PHF21B: variants seen among roughly 807,000 people sequenced by gnomAD.
PHF21B encodes PHD finger protein 4.
In PHF21B, 22 loss-of-function variants were observed where a neutral mutation model predicts 62.2. The ratio of observed to expected loss-of-function variants is 0.35; its 90% CI spans 0.25 to 0.51. The LOEUF is 0.51. Ranked by LOEUF, PHF21B falls within the 20% of genes least tolerant of loss-of-function variation. The pLI, the probability that PHF21B is intolerant of heterozygous loss-of-function variation, is 0.97. For missense variants in PHF21B, 701 were observed against 707.9 expected (o/e 0.99, Z 0.11); for synonymous variants, 341 against 314.7 (o/e 1.08, Z -0.88).
chr22:44,962,149 G>A (rs751012914), intron 2 of PHF21B, among the ~76,000 whole-genome samples: 2 of 152,102 alleles, frequency 1.3e-5, no homozygotes, highest in African/African-American at 2.4e-5. Flanking sequence ...TTGCTGGGTC[G>A]AATGATAGCT....
At chr22:44,942,026 C>T (rs527850547) in intron 2 of PHF21B, among the ~76,000 whole-genome samples, 36 of 152,298 alleles carry the variant, frequency 2.4e-4, no homozygotes, top group African/African-American at 8.4e-4. Flanking sequence ...CGACATGGCC[C>T]GAGGCCCAGT....
At chr22:44,938,244 GTTTTT>G (rs1321797666) in intron 2 of PHF21B, among the ~76,000 whole-genome samples, 1 of 150,338 alleles carries the variant, frequency 6.7e-6, no homozygotes, top group African/African-American at 2.5e-5. Flanking sequence ...CTGGTTTTTT[GTTTTT>G]TTGAGACAGA....
In PHF21B at chr22:44,882,924, G is replaced by A; in HGVS notation, c.*162C>T. On this transcript the variant is annotated 3_prime_UTR_variant, in exon 13 of 13. Coordinates refer to ENST00000313237, the MANE Select transcript of PHF21B (RefSeq NM_138415.5). Reference sequence around the variant, plus strand: ...CAGGGCCGCACCCCCACCTGGTCCTGGCTCTAGGCCTCTCGCCCAGCTCTT... The same window carrying A: ...CAGGGCCGCACCCCCACCTGGTCCTAGCTCTAGGCCTCTCGCCCAGCTCTT... 1 of 871,002 alleles carries A rather than the reference G, an allele frequency of 1.1e-6. No individual in the cohort carries two copies. The highest frequency in any genetic ancestry group is 1.7e-6 in the Non-Finnish European group (1 of 583,128). The allele number at this position is 871,002 out of a possible 1,614,324, so 54.0% of individuals were successfully genotyped here. A position where few individuals can be genotyped will look rare whatever the true frequency, so the allele number is the denominator to read the frequency against.
chr22:44,889,836 G>C (rs1378112404), intron 8 of PHF21B, 54 bp from the exon 9 acceptor site: 1 of 1,514,012 alleles, frequency 6.6e-7, no homozygotes, highest in Non-Finnish European at 8.8e-7. Flanking sequence ...GAGGAGCACA[G>C]ATCAGGACTG....
In PHF21B at chr22:44,916,403, C is replaced by T. The variant is rs1241455911; in HGVS notation, c.441G>A (p.Gly147=). The stretch of plus-strand genomic sequence containing the variant: ...AGGTGGAGATGATGGCGTAGGCCAC[C>T]CCCGCACTGCTCAGCGGAGAGGCGA... The part of the protein sequence containing the change: ...AALASPLSSA[G]VAYAIISTSP... The change falls in exon 4 of 13, where the codon GGG becomes GGA. Residue 147 remains glycine, a synonymous_variant. Coordinates refer to ENST00000313237, the MANE Select transcript of PHF21B (RefSeq NM_138415.5). 1.3e-6 allele frequency: 2 copies of T among 1,598,300 alleles called. No homozygotes were observed. Among genetic ancestry groups the T allele is most frequent in the Non-Finnish European group, 1.7e-6 (2 of 1,177,234 alleles).
At chr22:44,978,170 C>T (rs1211270866) in intron 2 of PHF21B, among the ~76,000 whole-genome samples, 2 of 152,070 alleles carry the variant, frequency 1.3e-5, no homozygotes, top group South Asian at 2.1e-4. Flanking sequence ...GTGGGATCTC[C>T]GGTTTGCAGG....
At chr22:44,915,646 G>A (rs543215817) in intron 4 of PHF21B, among the ~76,000 whole-genome samples, 38 of 152,338 alleles carry the variant, frequency 2.5e-4, no homozygotes, top group South Asian at 1.0e-3. Context: ...TGGGGAAGCA[G>A]AAGGTACCCC....
intron 2 of PHF21B, among the ~76,000 whole-genome samples, chr22:44,948,821 T>G (rs1220167847): frequency 6.6e-6 from 1 of 152,118 alleles, no homozygotes; most frequent in Non-Finnish European, 1.5e-5. Flanking sequence ...ATCCAGAACA[T>G]ATGGAGATTT....
chr22:44,884,737 T>C (rs552767113), intron 12 of PHF21B, among the ~76,000 whole-genome samples: 2 of 123,342 alleles, frequency 1.6e-5, no homozygotes, highest in South Asian at 2.5e-4. Flanking sequence ...ACCACCACCA[T>C]CACTGTGATC....
chr22:44,989,942 C>T (rs930802226), intron 2 of PHF21B, among the ~76,000 whole-genome samples: 12 of 152,216 alleles, frequency 7.9e-5, no homozygotes, highest in African/African-American at 2.9e-4. Flanking sequence ...ACGTGTTTAA[C>T]GCCAATGCAA....
At chr22:44,952,013 G>GT (rs1276397237) in intron 2 of PHF21B, among the ~76,000 whole-genome samples, 4 of 152,210 alleles carry the variant, frequency 2.6e-5, no homozygotes, top group African/African-American at 9.7e-5. Context: ...AAACTTCTCT[G>GT]TGATGGTGCT....
chr22:44,966,603 C>A (rs2072531475), intron 2 of PHF21B, among the ~76,000 whole-genome samples: 1 of 152,142 alleles, frequency 6.6e-6, no homozygotes, highest in Admixed American at 6.5e-5. Flanking sequence ...GAAGTCCCCC[C>A]TTCAGAGCCT....
chr22:44,958,767 G>A (rs1274086155), intron 2 of PHF21B, among the ~76,000 whole-genome samples: 2 of 151,694 alleles, frequency 1.3e-5, no homozygotes, highest in South Asian at 2.1e-4. Flanking sequence ...CACCACACCT[G>A]GCTAATTTTT....
chr22:45,002,837 C>A (rs796362903), intron 2 of PHF21B: 4 of 152,534 alleles, frequency 2.6e-5, no homozygotes, highest in African/African-American at 9.6e-5. Context: ...CATGGTTTTA[C>A]TGCCAGAAAA....
chr22:44,933,663 T>A, intron 2 of PHF21B: 1 of 253,674 alleles, frequency 3.9e-6, no homozygotes, highest in Non-Finnish European at 6.2e-6. Flanking sequence ...CCTCCATGCC[T>A]AGTTCATCTC....
Position 45,008,347 on chromosome 22 carries a change from C to G in PHF21B, c.120+198G>C, listed in dbSNP as rs1369470981. The stretch of plus-strand genomic sequence containing the variant: ...TCCTCTCTTCGGCCCCCGCAGGGCC[C>G]GGCTCTCCCTGCCGCCTCCGAGAAC... On this transcript the variant is annotated intron_variant, in intron 2 of 12. Transcript: ENST00000313237. 5 of 465,786 alleles carry G rather than the reference C, an allele frequency of 1.1e-5. No homozygotes were observed. The Admixed American group carries it at 1.3e-4, about 12-fold the overall frequency. 28.9% of individuals were successfully genotyped at this position (465,786 alleles called of 1,614,324 possible).
intron 10 of PHF21B, among the ~76,000 whole-genome samples, chr22:44,886,229 C>T (rs140786316): frequency 1.7e-3 from 254 of 152,150 alleles, no homozygotes; most frequent in African/African-American, 5.9e-3. Flanking sequence ...CTTCCTCCCA[C>T]GTCCAGAAGA....
intron 2 of PHF21B, among the ~76,000 whole-genome samples, chr22:44,986,028 A>G (rs1331889702): frequency 6.6e-6 from 1 of 151,900 alleles, no homozygotes; most frequent in African/African-American, 2.4e-5. Context: ...CAGCACCACC[A>G]TCACCATCAG....
At chr22:44,903,439 G>A (rs1032229502) in intron 5 of PHF21B, among the ~76,000 whole-genome samples, 7 of 151,666 alleles carry the variant, frequency 4.6e-5, no homozygotes, top group South Asian at 2.1e-4. Flanking sequence ...CCAGTCTGCC[G>A]ATGCTCTGCT....
Sources: gnomAD v4.1 joint callset for allele counts (sites outside exome capture counted in the v4.1 genomes callset) on GRCh38, gnomAD v4.1.1 for gene constraint, MANE v1.5 for transcripts, NCBI Gene and HGNC (gene_info 2026-07-23, HGNC 2026-07-21) for gene names.